The following PBX1 variants were observed in gnomAD, a reference collection of about 807,000 sequenced individuals.
The protein encoded by PBX1 is PBX homeobox 1, also known as pre-B-cell leukemia transcription factor 1.
PBX1 carries 6 observed loss-of-function variants against 53.4 expected under a neutral mutation model. That is an observed-to-expected ratio of 0.11 (90% CI 0.06 to 0.22). The LOEUF (loss-of-function observed/expected upper bound fraction) is 0.22. PBX1 is among the 10% of genes least tolerant of loss of function. The probability of loss-of-function intolerance (pLI) is 1.00; values close to 1 mark genes in which losing one functional copy is unlikely to be tolerated. For missense variants in PBX1, 251 were observed against 551.4 expected (o/e 0.46, Z 5.46); for synonymous variants, 204 against 212.3 (o/e 0.96, Z 0.34).
chr1:164,787,968 G>T (rs574870266), intron 2 of PBX1, among the ~76,000 whole-genome samples: 1 of 152,162 alleles, frequency 6.6e-6, no homozygotes, highest in Admixed American at 6.5e-5. Flanking sequence ...TCGGGTAGTG[G>T]ACGCGTCCGG....
rs763897674 is a variant in PBX1, at chr1:164,821,645, C to T, written c.1200+19C>T. 8.2e-6 allele frequency: 13 copies of T among 1,589,914 alleles called. No individual in the cohort carries two copies. Among genetic ancestry groups the T allele is most frequent in the Non-Finnish European group, 1.1e-5 (13 of 1,158,136 alleles). ...CATCAGTGTAAGAAAACAAGCCCCCCCACCCCCTGCTTTGTTTTTATTCTT... is the reference window on the plus strand; with the variant it reads ...CATCAGTGTAAGAAAACAAGCCCCCTCACCCCCTGCTTTGTTTTTATTCTT... On this transcript the variant is annotated intron_variant, in intron 8 of 8. Transcript: ENST00000420696.
intron 2 of PBX1, among the ~76,000 whole-genome samples, chr1:164,860,247 A>G (rs538203259): frequency 3.0e-4 from 45 of 152,310 alleles, no homozygotes; most frequent in African/African-American, 1.0e-3. Flanking sequence ...AAACAATTCA[A>G]TCAATACTTA....
At chr1:164,633,578 G>C (rs978944467) in intron 2 of PBX1, among the ~76,000 whole-genome samples, 1 of 152,176 alleles carries the variant, frequency 6.6e-6, no homozygotes, top group Non-Finnish European at 1.5e-5. Flanking sequence ...AATTTGAATG[G>C]TGTACGTTAT....
At chr1:164,813,484 G>T (rs1039098578) in intron 6 of PBX1, 1 of 152,134 alleles carries the variant, frequency 6.6e-6, no homozygotes. Context: ...AAGCTAACAG[G>T]TTCAATAACC....
At chr1:164,768,558 G>A (rs1224070938) in intron 2 of PBX1, among the ~76,000 whole-genome samples, 1 of 152,164 alleles carries the variant, frequency 6.6e-6, no homozygotes, top group Non-Finnish European at 1.5e-5. Flanking sequence ...AGATTGCAAC[G>A]GCTTTCCATT....
At chr1:164,834,638 C>T (rs756869126) in intron 8 of PBX1, among the ~76,000 whole-genome samples, 18 of 152,186 alleles carry the variant, frequency 1.2e-4, no homozygotes, top group Non-Finnish European at 2.4e-4. Context: ...AGCCACTATA[C>T]CCGGCCAGCC....
chr1:164,595,771 T>C (rs1655713102), intron 2 of PBX1, among the ~76,000 whole-genome samples: 1 of 152,174 alleles, frequency 6.6e-6, no homozygotes. Context: ...TGAAAGGTGC[T>C]CTAAAGAACA....
intron 2 of PBX1, chr1:164,631,127 ATAATTGTTATCTCACTATTACTG>A (rs749159773): frequency 3.3e-5 from 5 of 152,234 alleles, no homozygotes; most frequent in Non-Finnish European, 5.9e-5. Flanking sequence ...GTTAGTGCAC[ATAATTGTTATCTCACTATTACTG>A]TGTTGTTTTT....
At chr1:164,653,961 T>G (rs1473571206) in intron 2 of PBX1, among the ~76,000 whole-genome samples, 3 of 152,178 alleles carry the variant, frequency 2.0e-5, no homozygotes, top group African/African-American at 7.2e-5. Context: ...TTTTCTGTGT[T>G]AGTTATTTGA....
intron 7 of PBX1, among the ~76,000 whole-genome samples, chr1:164,821,067 A>G (rs1382918434): frequency 6.6e-6 from 1 of 152,190 alleles, no homozygotes; most frequent in African/African-American, 2.4e-5. Context: ...TAAGTCCTCA[A>G]AAAATACAAG....
chr1:164,696,864 G>A (rs1006169483), intron 2 of PBX1, among the ~76,000 whole-genome samples: 1 of 152,150 alleles, frequency 6.6e-6, no homozygotes, highest in African/African-American at 2.4e-5. Context: ...CCTCTTTCTG[G>A]TAGGAGGTCA....
chr1:164,592,125 G>A (rs958256865), intron 2 of PBX1, among the ~76,000 whole-genome samples: 9 of 152,122 alleles, frequency 5.9e-5, no homozygotes, highest in Non-Finnish European at 1.0e-4. Flanking sequence ...GGAAGCTGGA[G>A]GGAGGTGGGG....
At chr1:164,795,838 T>G (rs1668757869) in intron 3 of PBX1, among the ~76,000 whole-genome samples, 1 of 152,222 alleles carries the variant, frequency 6.6e-6, no homozygotes, top group South Asian at 2.1e-4. Flanking sequence ...AATTACCAAA[T>G]TGGTTACTTA....
intron 2 of PBX1, chr1:164,625,785 TATA>T (rs1657993349): frequency 1.2e-5 from 3 of 247,694 alleles, no homozygotes; most frequent in African/African-American, 7.0e-5. Flanking sequence ...ATAATGAAAT[TATA>T]ATGAGATCCC....
chr1:164,852,584 A>G (rs1671882187), downstream of PBX1, among the ~76,000 whole-genome samples: 2 of 152,318 alleles, frequency 1.3e-5, no homozygotes, highest in Middle Eastern at 3.4e-3. Flanking sequence ...CATCACATGC[A>G]TTACATTCTC....
At chr1:164,764,349 G>A (rs1214142060) in intron 2 of PBX1, among the ~76,000 whole-genome samples, 1 of 151,832 alleles carries the variant, frequency 6.6e-6, no homozygotes, top group Admixed American at 6.5e-5. Context: ...GAAGGATTTT[G>A]TGTGTATTTG....
rs1668564840 is a variant in PBX1 at position 164,792,487 on chromosome 1, T to C, written c.266-7T>C. ...ATTAACGCTCCCTTCCCTGTCTTTT[T>C]CTGTAGTTTTGAGTATCCGAGGAGC... On this transcript the variant is annotated splice_region_variant and splice_polypyrimidine_tract_variant and intron_variant, in intron 2 of 8. Coordinates refer to ENST00000420696, the MANE Select transcript of PBX1 (RefSeq NM_002585.4). 2 of 1,613,856 alleles carry C rather than the reference T, an allele frequency of 1.2e-6. No homozygotes were observed. The highest frequency in any genetic ancestry group is 1.7e-5 in the Admixed American group (1 of 60,006).
At chr1:164,675,368 T>C (rs553316769) in intron 2 of PBX1, among the ~76,000 whole-genome samples, 3 of 151,864 alleles carry the variant, frequency 2.0e-5, no homozygotes, top group African/African-American at 7.3e-5. Context: ...GTAATTGCGG[T>C]TTTTGCCTTA....
chr1:164,673,465 C>CTAACTTT (rs1661226667), intron 2 of PBX1, among the ~76,000 whole-genome samples: 1 of 109,406 alleles, frequency 9.1e-6, no homozygotes, highest in African/African-American at 4.0e-5. Flanking sequence ...AAATTACTAA[C>CTAACTTT]TTTTTTTTTT....
Sources: allele counts gnomAD v4.1 joint callset (sites outside exome capture counted in the v4.1 genomes callset), GRCh38; gene constraint gnomAD v4.1.1; transcripts MANE v1.5; gene names NCBI Gene and HGNC (gene_info 2026-07-23, HGNC 2026-07-21).